Variants in SFMBT1 observed in about 807,000 individuals in gnomAD.
SFMBT1 encodes the protein Scm like with four mbt domains 1.
SFMBT1 carries 32 observed loss-of-function variants against 108.7 expected under a neutral mutation model. The observed-to-expected ratio is 0.29, with a 90% CI of 0.22 to 0.40. SFMBT1 has a LOEUF of 0.40. Ranked by LOEUF, SFMBT1 falls within the 10% of genes least tolerant of loss-of-function variation. The pLI, the probability that SFMBT1 is intolerant of heterozygous loss-of-function variation, is 1.00. For missense variants in SFMBT1, 816 were observed against 1,059.6 expected (o/e 0.77, Z 3.19); for synonymous variants, 348 against 369.5 (o/e 0.94, Z 0.67).
chr3:52,954,076 G>T (rs189353643), intron 3 of SFMBT1, among the ~76,000 whole-genome samples: 29 of 152,094 alleles, frequency 1.9e-4, no homozygotes, highest in Middle Eastern at 3.4e-3. Flanking sequence ...AGTGAGCCAA[G>T]ATCGTGCCAC....
chr3:52,998,724 G>A (rs1698429961), intron 1 of SFMBT1, among the ~76,000 whole-genome samples: 1 of 150,726 alleles, frequency 6.6e-6, no homozygotes, highest in African/African-American at 2.4e-5. Context: ...CAACGAGCTT[G>A]TGATCTCCCG....
intron 2 of SFMBT1, among the ~76,000 whole-genome samples, chr3:52,961,111 C>A (rs1184717242): frequency 6.6e-6 from 1 of 152,098 alleles, no homozygotes; most frequent in Non-Finnish European, 1.5e-5. Flanking sequence ...CCAGCCTGGG[C>A]TGTTAGAGAC....
Position 52,933,544 on chromosome 3 carries a change from A to G in SFMBT1, c.454-1236T>C, listed in dbSNP as rs183202781. 6.5e-3 allele frequency among the ~76,000 whole-genome samples: 993 copies of G among 152,358 alleles called. 95 individuals carry two copies. In the South Asian group the frequency reaches 0.18, roughly 28 times the overall value. Reference sequence around the variant, plus strand: ...AAGGGACATATGAAAAAGTGGAGGAAAAGATTTAGAGCTAAAAGTCAGCAT... The same window carrying G: ...AAGGGACATATGAAAAAGTGGAGGAGAAGATTTAGAGCTAAAAGTCAGCAT... On this transcript the variant is annotated intron_variant, in intron 5 of 20. Transcript: ENST00000394752.
chr3:52,992,464 A>T (rs34238610), intron 1 of SFMBT1, among the ~76,000 whole-genome samples: 10,736 of 152,218 alleles, frequency 0.071, 446 homozygotes, highest in Non-Finnish European at 0.095. Flanking sequence ...AATAAAAAAA[A>T]TTTTTTTAAT....
At position 52,955,053 on chromosome 3, in the gene SFMBT1, T is replaced by C. The variant is rs186507771; in HGVS notation, c.29-642A>G. Among the ~76,000 whole-genome samples, 237 of 151,760 alleles carry C rather than the reference T, an allele frequency of 1.6e-3. 1 individual carries two copies. The highest frequency in any genetic ancestry group is 5.5e-3 in the African/African-American group (226 of 41,370). ...AAAGCTAGCAGGAGACCAGAAATAA[T>C]CAAGATCAGAATAGAACTGAAGGAG... is the stretch of plus-strand genomic sequence containing the variant. On this transcript the variant is annotated intron_variant, in intron 2 of 20. Transcript: ENST00000394752.
At chr3:52,987,968 G>C (rs1704988153) in intron 1 of SFMBT1, among the ~76,000 whole-genome samples, 1 of 152,114 alleles carries the variant, frequency 6.6e-6, no homozygotes, top group Non-Finnish European at 1.5e-5. Flanking sequence ...TAGCCAAAAG[G>C]CTAAAAAAAT....
chr3:52,932,204 T>C lies in SFMBT1; in HGVS notation c.558A>G (p.Glu186=), dbSNP rs1367166509. ...SLSTWIVTVV[E]NIGGRLKLRY... ...GTAGCTTCAGCCTTCCTCCAATGTT[T>C]TCTACTACAGTAACAATCCAAGTGC... The change falls in exon 6 of 21, where the codon GAA becomes GAG. Residue 186 remains glutamate, a synonymous_variant. Coordinates refer to ENST00000394752, the MANE Select transcript of SFMBT1 (RefSeq NM_016329.4). The C allele has an allele frequency of 6.2e-7, 1 of 1,614,080 alleles. No homozygotes were observed. The highest frequency in any genetic ancestry group is 8.5e-7 in the Non-Finnish European group (1 of 1,180,044).
At chr3:52,905,970 G>A in intron 20 of SFMBT1, 143 bp downstream of exon 20, 1 of 897,758 alleles carries the variant, frequency 1.1e-6, no homozygotes, top group Non-Finnish European at 1.7e-6. Context: ...TATCATCTTT[G>A]ACTCCTAAAA....
chr3:52,953,446 C>CAAAAAAA (rs34095086), intron 3 of SFMBT1, among the ~76,000 whole-genome samples: 1 of 148,470 alleles, frequency 6.7e-6, no homozygotes, highest in Non-Finnish European at 1.5e-5. Context: ...CCCCCCTCAC[C>CAAAAAAA]AAAAAAAAAA....
chr3:53,043,618 T>C (rs1437393292), intron 1 of SFMBT1, among the ~76,000 whole-genome samples: 2 of 152,216 alleles, frequency 1.3e-5, no homozygotes, highest in African/African-American at 2.4e-5. Flanking sequence ...AGTACCTATA[T>C]TCTAAAAATG....
At chr3:52,943,681 C>T (rs1212606899) in intron 3 of SFMBT1, 88 bp from the exon 4 acceptor site, 28 of 1,536,316 alleles carry the variant, frequency 1.8e-5, no homozygotes, top group South Asian at 2.3e-5. Flanking sequence ...CTTACAATTC[C>T]GAAGCACTAA....
intron 1 of SFMBT1, among the ~76,000 whole-genome samples, chr3:52,993,108 T>A (rs74481666): frequency 4.9e-4 from 74 of 152,134 alleles, no homozygotes; most frequent in African/African-American, 1.7e-3. Context: ...GTTTTTTTTT[T>A]AAGCAGCTCA....
chr3:53,033,925 C>CA (rs1342108299), intron 1 of SFMBT1, among the ~76,000 whole-genome samples: 5 of 151,734 alleles, frequency 3.3e-5, no homozygotes, highest in African/African-American at 1.2e-4. Context: ...AAAAAATTAG[C>CA]GGGGTGTGGT....
intron 3 of SFMBT1, 47 bp from the exon 4 acceptor site, chr3:52,943,640 G>GT (rs755572631): frequency 6.2e-7 from 1 of 1,612,452 alleles, no homozygotes; most frequent in Non-Finnish European, 8.5e-7. Flanking sequence ...TCTTAAATGA[G>GT]TATTTCTTTG....
chr3:53,000,747 G>A lies in SFMBT1; in HGVS notation c.-130-31489C>T, dbSNP rs193268453. ...AAGAAATTTACAAAAACTAAAACAT[G>A]CCTAATGCATGTCCTTTGACCCAAC... On this transcript the variant is annotated intron_variant, in intron 1 of 20. Coordinates refer to ENST00000394752, the MANE Select transcript of SFMBT1 (RefSeq NM_016329.4). Among the ~76,000 whole-genome samples, 152 of 150,144 alleles carry A rather than the reference G, an allele frequency of 1.0e-3. 4 individuals are homozygous for A. Among genetic ancestry groups the A allele is most frequent in the African/African-American group, 3.6e-3 (148 of 41,378 alleles).
At chr3:52,923,516 T>C (rs913789894) in intron 10 of SFMBT1, among the ~76,000 whole-genome samples, 9 of 150,100 alleles carry the variant, frequency 6.0e-5, no homozygotes, top group Non-Finnish European at 1.0e-4. Flanking sequence ...GCCAGGATCG[T>C]GCCATTGCAC....
At chr3:52,917,406 G>A (rs1204420748) in intron 13 of SFMBT1, among the ~76,000 whole-genome samples, 1 of 151,942 alleles carries the variant, frequency 6.6e-6, no homozygotes, top group African/African-American at 2.4e-5. Context: ...GGGGTGCCGG[G>A]GAGAGAAAGA....
chr3:53,011,574 G>A (rs1698945664), intron 1 of SFMBT1, among the ~76,000 whole-genome samples: 1 of 152,172 alleles, frequency 6.6e-6, no homozygotes, highest in Non-Finnish European at 1.5e-5. Flanking sequence ...CAAAGGCTGT[G>A]GGCTTAAAGC....
intron 1 of SFMBT1, among the ~76,000 whole-genome samples, chr3:53,040,912 T>A (rs1346983918): frequency 2.0e-5 from 3 of 148,014 alleles, no homozygotes; most frequent in Non-Finnish European, 4.5e-5. Flanking sequence ...TCAAGAGATA[T>A]ACCTGCCTCA....
Sources: gnomAD v4.1 joint callset for allele counts (sites outside exome capture counted in the v4.1 genomes callset) on GRCh38, gnomAD v4.1.1 for gene constraint, MANE v1.5 for transcripts, NCBI Gene and HGNC (gene_info 2026-07-23, HGNC 2026-07-21) for gene names.